ASPRV1: variants seen among roughly 807,000 people sequenced by gnomAD.
The protein encoded by ASPRV1 is aspartic peptidase retroviral like 1.
In ASPRV1, 7 loss-of-function variants were observed where a neutral mutation model predicts 11.0. That is an observed-to-expected ratio of 0.64 (90% CI 0.36 to 1.20). The LOEUF is 1.20. Among genes scored for constraint, ASPRV1 ranks in the 50% most tolerant of loss-of-function variants. ASPRV1 has a pLI of 0.02. For synonymous variants in ASPRV1, 136 were observed against 138.4 expected, an observed-to-expected ratio of 0.98 and a Z score of 0.12; for missense variants, 299 against 320.0, an observed-to-expected ratio of 0.93 and a Z score of 0.50.
chr2:70,012,864 A>G, the ASPRV1 span, among the ~76,000 whole-genome samples: 1 of 152,240 alleles, frequency 6.6e-6, no homozygotes, highest in Non-Finnish European at 1.5e-5. Flanking sequence ...AACTATGATT[A>G]TTCAGACTTG....
At chr2:69,997,616 C>A in the ASPRV1 span, among the ~76,000 whole-genome samples, 279 of 152,328 alleles carry the variant, frequency 1.8e-3, no homozygotes, top group Middle Eastern at 6.8e-3. Context: ...CTGCGTCCTC[C>A]TCCTGCCACA....
At chr2:69,989,519 G>A in the ASPRV1 span, among the ~76,000 whole-genome samples, 1 of 152,194 alleles carries the variant, frequency 6.6e-6, no homozygotes, top group Non-Finnish European at 1.5e-5. Flanking sequence ...GAGGCCCTGG[G>A]GCGGGTCCCT....
chr2:70,042,520 T>C, the ASPRV1 span, among the ~76,000 whole-genome samples: 1 of 152,168 alleles, frequency 6.6e-6, no homozygotes, highest in East Asian at 1.9e-4. Context: ...AGACAAAGTT[T>C]GTACTTCTAG....
the ASPRV1 span, among the ~76,000 whole-genome samples, chr2:69,952,181 C>T: frequency 2.4e-4 from 37 of 152,160 alleles, no homozygotes; most frequent in Middle Eastern, 3.2e-3. Context: ...TCTCAATTCC[C>T]CCATCTACTA....
chr2:70,076,745 T>G, the ASPRV1 span, among the ~76,000 whole-genome samples: 97 of 152,336 alleles, frequency 6.4e-4, no homozygotes, highest in African/African-American at 2.3e-3. Context: ...GAATATCTCA[T>G]GTAATTTATT....
chr2:70,039,926 A>T, the ASPRV1 span, among the ~76,000 whole-genome samples: 5 of 152,350 alleles, frequency 3.3e-5, no homozygotes, highest in Middle Eastern at 0.017. Context: ...TTAACAAATG[A>T]CGCCAGACAG....
the ASPRV1 span, among the ~76,000 whole-genome samples, chr2:70,028,944 AAAAT>A: frequency 0.061 from 9,307 of 152,050 alleles, 985 homozygotes; most frequent in African/African-American, 0.21. Context: ...CGTCTCCAAA[AAAAT>A]AAATAAATAA....
the ASPRV1 span, among the ~76,000 whole-genome samples, chr2:70,079,030 A>T: frequency 6.6e-6 from 1 of 151,946 alleles, no homozygotes; most frequent in Non-Finnish European, 1.5e-5. Flanking sequence ...TTTAAGGGAG[A>T]CTCTCTATAT....
the ASPRV1 span, chr2:70,055,779 TATA>T: frequency 6.6e-6 from 1 of 152,098 alleles, no homozygotes; most frequent in Admixed American, 6.6e-5. Flanking sequence ...AAAAAAAATT[TATA>T]AAGGCAATGT....
At chr2:70,059,789 C>T in the ASPRV1 span, 1 of 152,420 alleles carries the variant, frequency 6.6e-6, no homozygotes. Flanking sequence ...AGAGTTCCCA[C>T]TCCTATGAGA....
At chr2:70,061,774 C>A in the ASPRV1 span, among the ~76,000 whole-genome samples, 7 of 151,668 alleles carry the variant, frequency 4.6e-5, no homozygotes, top group African/African-American at 1.7e-4. Flanking sequence ...CATAGCGAAA[C>A]CCTGTCTCTA....
the ASPRV1 span, among the ~76,000 whole-genome samples, chr2:69,969,809 G>A: frequency 5.9e-5 from 9 of 152,088 alleles, no homozygotes; most frequent in African/African-American, 2.2e-4. Flanking sequence ...TGACCTCCCG[G>A]GCTGAAGCAA....
the ASPRV1 span, among the ~76,000 whole-genome samples, chr2:70,062,626 A>C: frequency 1.1e-3 from 172 of 152,264 alleles, no homozygotes; most frequent in South Asian, 2.3e-3. Flanking sequence ...GGCATTAAGT[A>C]ATCTAGACAG....
At chr2:69,963,297 T>C, upstream of ASPRV1, 1 of 456,144 alleles carries the variant, frequency 2.2e-6, no homozygotes, top group East Asian at 7.0e-5. Flanking sequence ...TGAGAGCAGG[T>C]GGTTCTTTGA....
At chr2:69,954,417 T>C in the ASPRV1 span, among the ~76,000 whole-genome samples, 4 of 152,224 alleles carry the variant, frequency 2.6e-5, no homozygotes, top group South Asian at 2.1e-4. Context: ...AGATATACCA[T>C]TGGCAGATAC....
At chr2:69,995,362 C>A in the ASPRV1 span, 1 of 150,130 alleles carries the variant, frequency 6.7e-6, no homozygotes, top group African/African-American at 2.5e-5. Flanking sequence ...GCACTCCAGC[C>A]TGGGTGACAG....
chr2:70,065,093 T>TCAAAA, the ASPRV1 span, among the ~76,000 whole-genome samples: 1,568 of 149,950 alleles, frequency 0.01, 30 homozygotes, highest in African/African-American at 0.036. Context: ...AGACTCCATC[T>TCAAAA]CAAAACAAAA....
chr2:69,937,122 A>C, the ASPRV1 span: 3 of 1,384,080 alleles, frequency 2.2e-6, no homozygotes, highest in Non-Finnish European at 3.1e-6. Context: ...AGTGGCACCG[A>C]AAGGCGTCTG....
chr2:69,970,164 C>T, the ASPRV1 span, among the ~76,000 whole-genome samples: 1 of 152,116 alleles, frequency 6.6e-6, no homozygotes, highest in Non-Finnish European at 1.5e-5. Flanking sequence ...GCCCTCAGCT[C>T]CTCCTCCTGA....
Sources: gnomAD v4.1 joint callset for allele counts (sites outside exome capture counted in the v4.1 genomes callset) on GRCh38, gnomAD v4.1.1 for gene constraint, MANE v1.5 for transcripts, NCBI Gene and HGNC (gene_info 2026-07-23, HGNC 2026-07-21) for gene names.